Variants in MTCH2 observed in about 807,000 individuals in gnomAD.
MTCH2 encodes mitochondrial carrier 2.
In MTCH2, 25 loss-of-function variants were observed where a neutral mutation model predicts 50.6. That is an observed-to-expected ratio of 0.49 (90% CI 0.36 to 0.69). The LOEUF (loss-of-function observed/expected upper bound fraction) is 0.69, where lower values mean the gene tolerates loss of function less well. MTCH2 is among the 30% of genes least tolerant of loss of function. The pLI is 0.00. For synonymous variants in MTCH2, 106 were observed against 132.0 expected, an observed-to-expected ratio of 0.80 and a Z score of 1.35; for missense variants, 273 against 384.4, an observed-to-expected ratio of 0.71 and a Z score of 2.42.
In MTCH2 at chr11:47,618,781, T is replaced by C. The variant is rs369312592; in HGVS notation, c.*52A>G. 4 of 1,510,050 alleles carry C rather than the reference T, an allele frequency of 2.6e-6. No homozygotes were observed. Among genetic ancestry groups the C allele is most frequent in the African/African-American group, 2.7e-5 (2 of 73,194 alleles). The allele number at this position is 1,510,050 out of a possible 1,614,324, so 93.5% of individuals were successfully genotyped here. A position where few individuals can be genotyped will look rare whatever the true frequency, so the allele number is the denominator to read the frequency against. ...GTATAGAAATCAACATTCTCTCCCA[T>C]AATTCTGTGCATCTGGGACTACAGA... is the stretch of plus-strand genomic sequence containing the variant. On this transcript the variant is annotated 3_prime_UTR_variant, in exon 13 of 13. Transcript: ENST00000302503.
rs979240432 is a variant in MTCH2 at position 47,642,558 on chromosome 11, C to G, written c.-93G>C. ...TCACGTGCCAGGGCCGCCGGTTTCA[C>G]TGGCCCGCCCGCGGCGCGCGCGCAC... On this transcript the variant is annotated 5_prime_UTR_variant, in exon 1 of 13. Transcript: ENST00000302503. 4 of 1,144,056 alleles carry G rather than the reference C, an allele frequency of 3.5e-6. No individual in the cohort carries two copies. The African/African-American group carries it at 4.9e-5, about 14-fold the overall frequency. 70.9% of individuals were successfully genotyped at this position (1,144,056 alleles called of 1,614,324 possible). A position where few individuals can be genotyped will look rare whatever the true frequency, so the allele number is the denominator to read the frequency against.
chr11:47,628,091 C>T (rs2097299701), intron 9 of MTCH2, among the ~76,000 whole-genome samples: 1 of 152,104 alleles, frequency 6.6e-6, no homozygotes, highest in South Asian at 2.1e-4. Flanking sequence ...TCTCTGTACT[C>T]AAGAGGTTTA....
rs572996613 is a variant in MTCH2, at chr11:47,618,620, T to C, written c.*213A>G. 5.6e-6 allele frequency: 3 copies of C among 534,758 alleles called. No homozygotes were observed. The Admixed American group carries it at 1.1e-4, about 20-fold the overall frequency. The allele number at this position is 534,758 out of a possible 1,614,324, so 33.1% of individuals were successfully genotyped here. A position where few individuals can be genotyped will look rare whatever the true frequency, so the allele number is the denominator to read the frequency against. On this transcript the variant is annotated 3_prime_UTR_variant, in exon 13 of 13. Coordinates refer to ENST00000302503, the MANE Select transcript of MTCH2 (RefSeq NM_014342.4). ...GTAAAATAAGAATTTGGAGCAAAAA[T>C]ATCCTAATTCAGAATAACTAAAGGG...
intron 9 of MTCH2, among the ~76,000 whole-genome samples, chr11:47,627,654 T>G (rs2097299341): frequency 6.7e-6 from 1 of 148,384 alleles, no homozygotes; most frequent in South Asian, 2.1e-4. Context: ...TGAGACAGGA[T>G]CTCATCTCTC....
At chr11:47,623,689 C>A (rs892720581) in intron 11 of MTCH2, among the ~76,000 whole-genome samples, 2 of 152,158 alleles carry the variant, frequency 1.3e-5, no homozygotes. Flanking sequence ...GCTATCTGAT[C>A]TTATTTGAAA....
At chr11:47,635,762 T>C (rs771645402) in intron 3 of MTCH2, among the ~76,000 whole-genome samples, 191 bp from the exon 4 acceptor site, 10 of 152,054 alleles carry the variant, frequency 6.6e-5, no homozygotes, top group Non-Finnish European at 1.2e-4. Context: ...ATCTCCAAGA[T>C]AAACTTGTTG....
intron 7 of MTCH2, 145 bp from the exon 8 acceptor site, chr11:47,630,759 T>C: frequency 1.3e-6 from 1 of 795,526 alleles, no homozygotes; most frequent in Non-Finnish European, 2.0e-6. Flanking sequence ...TCTGCAAAGA[T>C]AGCTAAATTT....
chr11:47,632,750 G>A (rs975973939), intron 5 of MTCH2, among the ~76,000 whole-genome samples: 1 of 151,850 alleles, frequency 6.6e-6, no homozygotes, highest in Non-Finnish European at 1.5e-5. Flanking sequence ...CCGGGCTGGA[G>A]TGCAGTGGTG....
chr11:47,624,167 G>A (rs774445844), intron 11 of MTCH2, among the ~76,000 whole-genome samples: 1 of 151,808 alleles, frequency 6.6e-6, no homozygotes. Flanking sequence ...GGGAGGTGGA[G>A]GTTGCAGTGA....
At chr11:47,621,048 G>A (rs1490539302) in intron 12 of MTCH2, among the ~76,000 whole-genome samples, 2 of 152,146 alleles carry the variant, frequency 1.3e-5, no homozygotes, top group African/African-American at 4.8e-5. Flanking sequence ...AGAAAAGGAA[G>A]GAAGGAAAGG....
chr11:47,631,781 G>A, intron 5 of MTCH2, 70 bp from the exon 6 acceptor site: 1 of 1,527,682 alleles, frequency 6.5e-7, no homozygotes, highest in Non-Finnish European at 9.1e-7. Flanking sequence ...GAAGGAATGT[G>A]GGTGGATATC....
At chr11:47,641,905 GA>G (rs546640984) in intron 1 of MTCH2, among the ~76,000 whole-genome samples, 10 of 144,788 alleles carry the variant, frequency 6.9e-5, no homozygotes, top group South Asian at 2.2e-4. Flanking sequence ...AGCATAAAAA[GA>G]AAAAAAAAAG....
chr11:47,632,550 C>T (rs980648223), intron 5 of MTCH2, among the ~76,000 whole-genome samples: 12 of 151,696 alleles, frequency 7.9e-5, no homozygotes, highest in Admixed American at 3.3e-4. Context: ...TTAGTAGAGA[C>T]GGTTTCACCG....
intron 3 of MTCH2, among the ~76,000 whole-genome samples, chr11:47,636,163 G>A (rs1467368655): frequency 6.6e-6 from 1 of 151,898 alleles, no homozygotes; most frequent in Non-Finnish European, 1.5e-5. Flanking sequence ...GCTGGGTGCG[G>A]TAGCTCACGC....
chr11:47,607,837 A>T, the MTCH2 span, among the ~76,000 whole-genome samples: 1 of 152,196 alleles, frequency 6.6e-6, no homozygotes, highest in East Asian at 1.9e-4. Flanking sequence ...CAATGTAGCC[A>T]GTTTGAGTTG....
At chr11:47,642,203 C>A (rs551699414) in intron 1 of MTCH2, among the ~76,000 whole-genome samples, 176 bp downstream of exon 1, 2 of 152,244 alleles carry the variant, frequency 1.3e-5, no homozygotes, top group Admixed American at 6.5e-5. Context: ...GCGAGGCCCC[C>A]AAGCGGGGCC....
intron 10 of MTCH2, 129 bp from the exon 11 acceptor site, chr11:47,625,870 G>C (rs2097297688): frequency 4.9e-6 from 3 of 614,952 alleles, no homozygotes; most frequent in Non-Finnish European, 8.4e-6. Flanking sequence ...TCGGTACCCT[G>C]GAAAGACAAC....
chr11:47,613,633 G>C (rs2097286769), downstream of MTCH2, among the ~76,000 whole-genome samples: 1 of 152,158 alleles, frequency 6.6e-6, no homozygotes, highest in East Asian at 1.9e-4. Context: ...GTCTAGAAAA[G>C]TAATGGTGAT....
chr11:47,633,524 ATATTTTTTTTTTTT>A (rs2097305445), intron 5 of MTCH2, among the ~76,000 whole-genome samples: 2 of 55,308 alleles, frequency 3.6e-5, no homozygotes, highest in South Asian at 1.0e-3. Context: ...ATATATATAT[ATATTTTTTTTTTTT>A]TTTTTTTTTT....
Sources: allele counts gnomAD v4.1 joint callset (sites outside exome capture counted in the v4.1 genomes callset), GRCh38; gene constraint gnomAD v4.1.1; transcripts MANE v1.5; gene names NCBI Gene and HGNC (gene_info 2026-07-23, HGNC 2026-07-21).